Variants in HMGN5 observed in about 807,000 individuals in gnomAD.
HMGN5 encodes the protein high mobility group nucleosome-binding domain-containing protein 5.
Under a neutral mutation model 9.5 loss-of-function variants are expected in HMGN5, and 4 were observed. That is an observed-to-expected ratio of 0.42 (90% CI 0.21 to 0.96). The LOEUF (loss-of-function observed/expected upper bound fraction) is 0.96. HMGN5 is among the 40% of genes least tolerant of loss of function. The probability of loss-of-function intolerance (pLI) is 0.30; values close to 1 mark genes in which losing one functional copy is unlikely to be tolerated. For missense variants in HMGN5, 192 were observed against 187.5 expected (o/e 1.02, Z -0.14); for synonymous variants, 55 against 57.1 (o/e 0.96, Z 0.16).
intron 1 of HMGN5, among the ~76,000 whole-genome samples, chrX:81,124,332 A>G (rs1485744472): frequency 8.9e-6 from 1 of 112,325 alleles, no homozygotes; most frequent in Admixed American, 9.4e-5. Flanking sequence ...CCTTTGCAGT[A>G]TTATTACCTC....
intron 1 of HMGN5, among the ~76,000 whole-genome samples, chrX:81,144,229 C>T (rs771502250): frequency 7.1e-4 from 79 of 111,354 alleles, no homozygotes; most frequent in Admixed American, 2.2e-3. Flanking sequence ...TAGAGGCCGA[C>T]AGACATCTAT....
intron 1 of HMGN5, among the ~76,000 whole-genome samples, chrX:81,128,850 A>G (rs1356139472): frequency 8.9e-6 from 1 of 112,189 alleles, no homozygotes; most frequent in Non-Finnish European, 1.9e-5. Flanking sequence ...TAACTGTGGT[A>G]AGATTAATGT....
intron 4 of HMGN5, 23 bp from the exon 5 acceptor site, chrX:81,118,508 A>C (rs761589036): frequency 8.8e-7 from 1 of 1,136,645 alleles, no homozygotes; most frequent in Non-Finnish European, 1.2e-6. Flanking sequence ...GTGGGAAAAG[A>C]AAAGAAAAGG....
chrX:81,179,540 A>G (rs1439945570), intron 1 of HMGN5, among the ~76,000 whole-genome samples: 4 of 111,659 alleles, frequency 3.6e-5, no homozygotes, highest in African/African-American at 1.3e-4. Flanking sequence ...CCACTGCTCA[A>G]TGAAATAAAA....
At chrX:81,181,338 T>C (rs2075462308) in intron 1 of HMGN5, among the ~76,000 whole-genome samples, 1 of 111,634 alleles carries the variant, frequency 9.0e-6, no homozygotes, top group South Asian at 3.8e-4. Context: ...GTACATAGTA[T>C]GTGCATATAT....
chrX:81,141,431 C>T (rs780253241), intron 1 of HMGN5, among the ~76,000 whole-genome samples: 8 of 108,211 alleles, frequency 7.4e-5, no homozygotes, highest in Non-Finnish European at 1.1e-4. Flanking sequence ...ATGCTTATTT[C>T]GCTCCATCCC....
intron 1 of HMGN5, among the ~76,000 whole-genome samples, chrX:81,191,166 T>A (rs1367510633): frequency 8.9e-6 from 1 of 112,420 alleles, no homozygotes; most frequent in East Asian, 2.8e-4. Context: ...TTATTTAAAA[T>A]AGTTTATTAG....
chrX:81,148,461 G>A (rs953905349), intron 1 of HMGN5, among the ~76,000 whole-genome samples: 5 of 111,348 alleles, frequency 4.5e-5, no homozygotes, highest in African/African-American at 6.5e-5. Flanking sequence ...CCTTCCTTAC[G>A]CCTTATACAG....
Position 81,189,405 on chromosome X carries a change from C to T in HMGN5, c.-124+12332G>A, listed in dbSNP as rs2075487765. 3.6e-5 allele frequency among the ~76,000 whole-genome samples: 4 copies of T among 111,698 alleles called. No homozygotes were observed. The South Asian group carries it at 1.5e-3, about 41-fold the overall frequency. ...CTATTTGTCTCTACCTACCCCCAGC[C>T]CCTGGAAGCCACTGATGTTTTTACT... On this transcript the variant is annotated intron_variant, in intron 1 of 6. Coordinates refer to ENST00000358130, the MANE Select transcript of HMGN5 (RefSeq NM_030763.3).
chrX:81,199,454 C>G (rs1372059334), intron 1 of HMGN5, among the ~76,000 whole-genome samples: 56 of 107,976 alleles, frequency 5.2e-4, no homozygotes, highest in Non-Finnish European at 7.3e-4. Context: ...AAGCTGGAGG[C>G]ATCATGCTAC....
intron 2 of HMGN5, among the ~76,000 whole-genome samples, chrX:81,121,299 A>C (rs1361317554): frequency 9.0e-6 from 1 of 110,798 alleles, no homozygotes; most frequent in African/African-American, 3.3e-5. Context: ...GACACCTTTC[A>C]AGAGATTCTC....
At chrX:81,168,701 C>T (rs1046670616) in intron 1 of HMGN5, among the ~76,000 whole-genome samples, 6 of 111,497 alleles carry the variant, frequency 5.4e-5, no homozygotes, top group African/African-American at 2.0e-4. Flanking sequence ...TATAGTGGGG[C>T]TAAAGTTTGT....
rs142447917 is a variant in HMGN5 at position 81,154,316 on chromosome X, A to T, written c.-123-32644T>A. Among the ~76,000 whole-genome samples, 603 of 111,758 alleles carry T rather than the reference A, an allele frequency of 5.4e-3. 4 individuals carry two copies. Among genetic ancestry groups the T allele is most frequent in the African/African-American group, 0.018 (566 of 30,789 alleles). Reference sequence around the variant, plus strand: ...GGGAAATCTGGATATCAGCATGCAGAATAATGAAACTTGACTCCTATCTCT... The same window carrying T: ...GGGAAATCTGGATATCAGCATGCAGTATAATGAAACTTGACTCCTATCTCT... On this transcript the variant is annotated intron_variant, in intron 1 of 6. Coordinates refer to ENST00000358130, the MANE Select transcript of HMGN5 (RefSeq NM_030763.3).
chrX:81,178,525 C>G lies in HMGN5; in HGVS notation c.-124+23212G>C, dbSNP rs934608750. Among the ~76,000 whole-genome samples the G allele has an allele frequency of 1.2e-4, 13 of 111,699 alleles. No homozygotes were observed. In the South Asian group the frequency reaches 3.8e-3, roughly 32 times the overall value. ...ACTAAACCAGGAAGAATTTGAATCT[C>G]TGAATAGACCAAAAACAGGCTCTGA... On this transcript the variant is annotated intron_variant, in intron 1 of 6. Coordinates refer to ENST00000358130, the MANE Select transcript of HMGN5 (RefSeq NM_030763.3).
intron 1 of HMGN5, among the ~76,000 whole-genome samples, chrX:81,146,677 A>C (rs2075344947): frequency 1.8e-5 from 2 of 112,071 alleles, no homozygotes; most frequent in African/African-American, 6.5e-5. Flanking sequence ...TAGAGACATA[A>C]AAAACCCTTC....
intron 1 of HMGN5, among the ~76,000 whole-genome samples, chrX:81,192,321 C>A (rs964713464): frequency 2.7e-5 from 3 of 111,600 alleles, no homozygotes; most frequent in East Asian, 5.6e-4. Flanking sequence ...GAGAAATATC[C>A]TTTTTCTTCT....
At position 81,118,744 on chromosome X, in the gene HMGN5, C is replaced by A. The variant is rs746660584; in HGVS notation, c.61G>T (p.Ala21Ser). 8.4e-7 allele frequency: 1 copy of A among 1,188,746 alleles called. No individual in the cohort carries two copies. Among genetic ancestry groups the A allele is most frequent in the African/African-American group, 1.8e-5 (1 of 56,856 alleles). ...DMRQEPKRRS[A>S]RLSAMLVPVT... ...AGATTACTTACAGCAGACAACCTGG[C>A]AGATCTTCTCTTTGGCTATAAGTTA... is the stretch of plus-strand genomic sequence containing the variant. The change falls in exon 4 of 7, where the codon GCC becomes TCC. Residue 21 changes from alanine to serine, a missense_variant. Ala to Ser is a moderately conservative substitution (Grantham distance 99). Coordinates refer to ENST00000358130, the MANE Select transcript of HMGN5 (RefSeq NM_030763.3).
At chrX:81,170,592 G>A (rs961837629) in intron 1 of HMGN5, among the ~76,000 whole-genome samples, 3 of 111,268 alleles carry the variant, frequency 2.7e-5, no homozygotes, top group Non-Finnish European at 3.8e-5. Flanking sequence ...GACATAAAGA[G>A]TAAAATCAAT....
At chrX:81,166,455 T>C (rs889511727) in intron 1 of HMGN5, among the ~76,000 whole-genome samples, 6 of 111,869 alleles carry the variant, frequency 5.4e-5, no homozygotes, top group African/African-American at 1.9e-4. Context: ...CAGAGTGGCT[T>C]ATCAGAAAGC....
Sources: allele counts gnomAD v4.1 joint callset (sites outside exome capture counted in the v4.1 genomes callset), GRCh38; gene constraint gnomAD v4.1.1; transcripts MANE v1.5; gene names NCBI Gene and HGNC (gene_info 2026-07-23, HGNC 2026-07-21).